Variants in FHIT observed in about 807,000 individuals in gnomAD.
The protein encoded by FHIT is bis(5'-adenosyl)-triphosphatase.
A neutral mutation model predicts 17.9 loss-of-function variants in FHIT; 19 were observed. The observed-to-expected ratio is 1.06, with a 90% CI of 0.74 to 1.56. The LOEUF is 1.56. Among genes scored for constraint, FHIT ranks in the 40% most tolerant of loss-of-function variants. FHIT has a pLI of 0.00. For missense variants in FHIT, 248 were observed against 189.2 expected, an observed-to-expected ratio of 1.31 and a Z score of -1.82; for synonymous variants, 81 against 69.7, an observed-to-expected ratio of 1.16 and a Z score of -0.81.
chr3:59,925,862 C>T (rs370531933), intron 7 of FHIT, among the ~76,000 whole-genome samples: 21 of 152,150 alleles, frequency 1.4e-4, no homozygotes, highest in East Asian at 9.6e-4. Context: ...AGCCTCATTG[C>T]TGTGAAAAAA....
intron 4 of FHIT, among the ~76,000 whole-genome samples, chr3:60,601,182 CA>C (rs1337687643): frequency 3.9e-5 from 6 of 152,220 alleles, no homozygotes; most frequent in African/African-American, 1.4e-4. Flanking sequence ...TCGGAAGATA[CA>C]GCAGGGATCA....
At chr3:61,070,469 C>T (rs558142816) in intron 2 of FHIT, among the ~76,000 whole-genome samples, 1 of 152,230 alleles carries the variant, frequency 6.6e-6, no homozygotes, top group Non-Finnish European at 1.5e-5. Context: ...CAAAAGACCC[C>T]CGTGGAAATG....
chr3:59,774,156 C>T (rs1160337640), intron 8 of FHIT, among the ~76,000 whole-genome samples: 4 of 152,110 alleles, frequency 2.6e-5, no homozygotes, highest in Non-Finnish European at 5.9e-5. Flanking sequence ...CATTGGCAGA[C>T]GACAGCCACT....
chr3:60,532,422 G>C (rs994152029), intron 5 of FHIT, among the ~76,000 whole-genome samples: 5 of 152,228 alleles, frequency 3.3e-5, no homozygotes, highest in Middle Eastern at 3.4e-3. Context: ...AGGGAGTGGG[G>C]GTAAGGAGAA....
At chr3:60,836,412 T>C (rs1420639756) in intron 3 of FHIT, among the ~76,000 whole-genome samples, 2 of 152,194 alleles carry the variant, frequency 1.3e-5, no homozygotes, top group Non-Finnish European at 2.9e-5. Flanking sequence ...TAAATATTTA[T>C]TTTCAGGGAG....
At chr3:61,044,284 T>C (rs2033674687) in intron 2 of FHIT, among the ~76,000 whole-genome samples, 1 of 152,162 alleles carries the variant, frequency 6.6e-6, no homozygotes, top group Non-Finnish European at 1.5e-5. Flanking sequence ...AGAGAAGTCC[T>C]TAAATGACCT....
intron 7 of FHIT, among the ~76,000 whole-genome samples, chr3:59,956,662 C>A (rs2107327372): frequency 6.6e-6 from 1 of 152,096 alleles, no homozygotes; most frequent in African/African-American, 2.4e-5. Context: ...ACAAGACTGT[C>A]TCCAAAAATA....
At chr3:60,057,202 C>A (rs1220236935) in intron 5 of FHIT, among the ~76,000 whole-genome samples, 15 of 152,168 alleles carry the variant, frequency 9.9e-5, no homozygotes, top group African/African-American at 2.4e-5. Flanking sequence ...AACCTTACCA[C>A]AAAACTTTGA....
intron 4 of FHIT, among the ~76,000 whole-genome samples, chr3:60,636,236 A>G (rs1024160621): frequency 7.9e-5 from 12 of 151,936 alleles, no homozygotes; most frequent in Non-Finnish European, 1.2e-4. Flanking sequence ...ACGCCTAGCT[A>G]ATTTTTATAT....
intron 5 of FHIT, among the ~76,000 whole-genome samples, chr3:60,238,004 G>T (rs971544825): frequency 1.3e-5 from 2 of 151,970 alleles, no homozygotes; most frequent in South Asian, 4.2e-4. Flanking sequence ...AAATCAGCCA[G>T]GAATGGTGGT....
chr3:61,119,193 G>A (rs1191086756), intron 2 of FHIT, among the ~76,000 whole-genome samples: 1 of 152,064 alleles, frequency 6.6e-6, no homozygotes, highest in Non-Finnish European at 1.5e-5. Context: ...TCATTCATAA[G>A]AGCTTAGCTT....
intron 5 of FHIT, among the ~76,000 whole-genome samples, chr3:60,503,508 C>A (rs959886923): frequency 9.9e-5 from 15 of 152,168 alleles, no homozygotes; most frequent in African/African-American, 3.4e-4. Flanking sequence ...ATGTAATATA[C>A]AGTAATATAA....
intron 5 of FHIT, among the ~76,000 whole-genome samples, chr3:60,375,988 TA>T: frequency 6.6e-6 from 1 of 152,318 alleles, no homozygotes; most frequent in South Asian, 2.1e-4. Context: ...AATTCAAATT[TA>T]AATTAAATTT....
At chr3:60,441,184 C>T (rs1052537320) in intron 5 of FHIT, among the ~76,000 whole-genome samples, 2 of 151,966 alleles carry the variant, frequency 1.3e-5, no homozygotes, top group African/African-American at 4.8e-5. Flanking sequence ...CAGAAGGGAC[C>T]TAATTCTGAA....
intron 5 of FHIT, among the ~76,000 whole-genome samples, chr3:60,487,607 T>C (rs1169328261): frequency 1.3e-5 from 2 of 152,208 alleles, no homozygotes; most frequent in Non-Finnish European, 2.9e-5. Context: ...TAATCTATCT[T>C]GAACTTGCCT....
rs551154063 is a variant in FHIT at position 60,318,194 on chromosome 3, G to A, written c.103+218666C>T. Among the ~76,000 whole-genome samples, 6 of 152,254 alleles carry A rather than the reference G, an allele frequency of 3.9e-5. No individual in the cohort carries two copies. In the South Asian group the frequency reaches 1.2e-3, roughly 32 times the overall value. Reference sequence around the variant, plus strand: ...GTAGGGCTTTTCTGGACATTAAAATGTTTGAAAATAAGCACCAAGAAAAAA... The same window carrying A: ...GTAGGGCTTTTCTGGACATTAAAATATTTGAAAATAAGCACCAAGAAAAAA... On this transcript the variant is annotated intron_variant, in intron 5 of 9. Coordinates refer to ENST00000492590, the MANE Select transcript of FHIT (RefSeq NM_002012.4).
chr3:60,631,897 G>T (rs1412689347), intron 4 of FHIT, among the ~76,000 whole-genome samples: 1 of 152,118 alleles, frequency 6.6e-6, no homozygotes, highest in African/African-American at 2.4e-5. Context: ...ATGAAAAAAA[G>T]AGTTAGCTGT....
chr3:60,103,372 G>A (rs1704273414), intron 5 of FHIT, among the ~76,000 whole-genome samples: 1 of 152,020 alleles, frequency 6.6e-6, no homozygotes, highest in Non-Finnish European at 1.5e-5. Flanking sequence ...CACATACATG[G>A]GAATCTTCAC....
intron 5 of FHIT, among the ~76,000 whole-genome samples, chr3:60,339,519 C>T (rs1325121529): frequency 6.6e-6 from 1 of 152,158 alleles, no homozygotes; most frequent in Non-Finnish European, 1.5e-5. Flanking sequence ...GCTCTCAACA[C>T]CTCAAGTACG....
Sources: allele counts gnomAD v4.1 joint callset (sites outside exome capture counted in the v4.1 genomes callset), GRCh38; gene constraint gnomAD v4.1.1; transcripts MANE v1.5; gene names NCBI Gene and HGNC (gene_info 2026-07-23, HGNC 2026-07-21).